GPHN: variants seen among roughly 807,000 people sequenced by gnomAD.
GPHN encodes the protein gephyrin.
Under a neutral mutation model 95.5 loss-of-function variants are expected in GPHN, and 17 were observed. The observed-to-expected ratio is 0.18, with a 90% CI of 0.12 to 0.27. The LOEUF is 0.27. Ranked by LOEUF, GPHN falls within the 10% of genes least tolerant of loss-of-function variation. GPHN has a pLI of 1.00. For missense variants in GPHN, 660 were observed against 978.1 expected, an observed-to-expected ratio of 0.67 and a Z score of 4.34; for synonymous variants, 320 against 322.5, an observed-to-expected ratio of 0.99 and a Z score of 0.08.
the GPHN span, among the ~76,000 whole-genome samples, chr14:67,507,794 A>G: frequency 1.7e-4 from 26 of 152,288 alleles, no homozygotes; most frequent in African/African-American, 3.8e-4. Flanking sequence ...AATGGTGAGT[A>G]TAAGGGTGTA....
At chr14:66,539,747 T>C (rs1186830315) in intron 1 of GPHN, among the ~76,000 whole-genome samples, 1 of 152,152 alleles carries the variant, frequency 6.6e-6, no homozygotes, top group Non-Finnish European at 1.5e-5. Flanking sequence ...CAGTGGAGTC[T>C]TTCTGTCTGG....
the GPHN span, chr14:67,575,562 C>A: frequency 1.2e-6 from 1 of 824,896 alleles, no homozygotes; most frequent in Non-Finnish European, 2.1e-6. Flanking sequence ...GTCCCTACCC[C>A]ACGTAACCCC....
chr14:67,523,276 A>G, the GPHN span, among the ~76,000 whole-genome samples: 1 of 151,462 alleles, frequency 6.6e-6, no homozygotes, highest in Non-Finnish European at 1.5e-5. Context: ...GTGAGCCAAG[A>G]TGGCACCACT....
the GPHN span, among the ~76,000 whole-genome samples, chr14:67,382,171 G>A: frequency 2.0e-5 from 3 of 151,960 alleles, no homozygotes; most frequent in Non-Finnish European, 4.4e-5. Context: ...AGCCACCAAA[G>A]ATACACGGAA....
At chr14:67,703,907 G>T in the GPHN span, among the ~76,000 whole-genome samples, 1 of 152,096 alleles carries the variant, frequency 6.6e-6, no homozygotes, top group African/African-American at 2.4e-5. Context: ...CAAACTCCTA[G>T]ACTCAAGTGT....
the GPHN span, chr14:67,562,587 G>A: frequency 6.2e-7 from 1 of 1,612,642 alleles, no homozygotes; most frequent in Non-Finnish European, 8.5e-7. Flanking sequence ...CGGGCTCCTG[G>A]CACCCCGCGG....
chr14:67,581,269 T>C, the GPHN span, among the ~76,000 whole-genome samples: 5 of 129,516 alleles, frequency 3.9e-5, no homozygotes, highest in Admixed American at 2.3e-4. Flanking sequence ...TGCGTGTGTG[T>C]ATATGCACAC....
At chr14:66,519,813 T>C (rs927649241) in intron 1 of GPHN, among the ~76,000 whole-genome samples, 3 of 152,188 alleles carry the variant, frequency 2.0e-5, no homozygotes, top group Non-Finnish European at 4.4e-5. Context: ...AAATACTTTC[T>C]AGAGCCTGTT....
chr14:67,193,879 A>C, the GPHN span, among the ~76,000 whole-genome samples: 1 of 148,518 alleles, frequency 6.7e-6, no homozygotes, highest in Non-Finnish European at 1.5e-5. Context: ...GGGGAGGTTG[A>C]GGCTGCAGTG....
At chr14:67,121,175 T>G (rs1567361801) in intron 16 of GPHN, among the ~76,000 whole-genome samples, 2 of 152,216 alleles carry the variant, frequency 1.3e-5, no homozygotes, top group Non-Finnish European at 2.9e-5. Context: ...TTTTACTTTA[T>G]AATTTCTGAA....
chr14:67,519,196 A>T, the GPHN span, among the ~76,000 whole-genome samples: 1 of 152,170 alleles, frequency 6.6e-6, no homozygotes. Flanking sequence ...AGGAGTGTAA[A>T]CTCAGATCAC....
chr14:66,601,985 A>G (rs1158466322), intron 1 of GPHN, among the ~76,000 whole-genome samples: 1 of 151,930 alleles, frequency 6.6e-6, no homozygotes, highest in Admixed American at 6.6e-5. Context: ...GTGTCCTTGT[A>G]ACTGGGCTGA....
the GPHN span, chr14:67,587,128 G>A: frequency 6.2e-7 from 1 of 1,613,812 alleles, no homozygotes. Context: ...CACTACAACT[G>A]TGAACCCCCC....
intron 4 of GPHN, among the ~76,000 whole-genome samples, chr14:66,871,616 A>T (rs1486793584): frequency 6.6e-6 from 1 of 152,152 alleles, no homozygotes; most frequent in Non-Finnish European, 1.5e-5. Flanking sequence ...AGTAATAAAG[A>T]TTGGATAATG....
chr14:67,312,444 A>C, the GPHN span: 2 of 1,005,698 alleles, frequency 2.0e-6, no homozygotes, highest in South Asian at 2.9e-5. Context: ...AAAATAATAA[A>C]AAATTTGTAG....
the GPHN span, among the ~76,000 whole-genome samples, chr14:67,460,461 T>A: frequency 8.5e-5 from 13 of 152,146 alleles, no homozygotes; most frequent in African/African-American, 2.9e-4. Flanking sequence ...TCCCAGCACT[T>A]TGGGAGACCG....
intron 1 of GPHN, among the ~76,000 whole-genome samples, chr14:66,519,059 A>T (rs985855912): frequency 6.6e-6 from 1 of 152,056 alleles, no homozygotes; most frequent in African/African-American, 2.4e-5. Context: ...ACCATACATT[A>T]TATGTATGGA....
At chr14:66,783,783 C>T (rs946427391) in intron 3 of GPHN, among the ~76,000 whole-genome samples, 7 of 152,152 alleles carry the variant, frequency 4.6e-5, no homozygotes, top group Admixed American at 2.6e-4. Flanking sequence ...TGAACTTCTA[C>T]CTTACAGTCT....
At chr14:67,661,718 G>A in the GPHN span, among the ~76,000 whole-genome samples, 1 of 147,242 alleles carries the variant, frequency 6.8e-6, no homozygotes, top group Admixed American at 6.9e-5. Context: ...GTTTGGTAGA[G>A]ATGGGGGGTC....
Sources: gnomAD v4.1 joint callset for allele counts (sites outside exome capture counted in the v4.1 genomes callset) on GRCh38, gnomAD v4.1.1 for gene constraint, MANE v1.5 for transcripts, NCBI Gene and HGNC (gene_info 2026-07-23, HGNC 2026-07-21) for gene names.